CEP57L1: variants seen among roughly 807,000 people sequenced by gnomAD.
The protein encoded by CEP57L1 is centrosomal protein 57 like 1, also known as centrosomal protein CEP57L1.
A neutral mutation model predicts 61.0 loss-of-function variants in CEP57L1; 37 were observed. The ratio of observed to expected loss-of-function variants is 0.61; its 90% CI spans 0.47 to 0.80. CEP57L1 has a LOEUF of 0.80. Ranked by LOEUF, CEP57L1 falls within the 30% of genes least tolerant of loss-of-function variation. The pLI is 0.00. For missense variants in CEP57L1, 422 were observed against 524.7 expected, an observed-to-expected ratio of 0.80 and a Z score of 1.91; for synonymous variants, 137 against 162.3, an observed-to-expected ratio of 0.84 and a Z score of 1.19.
At chr6:109,099,713 C>T (rs1435696194) in intron 1 of CEP57L1, among the ~76,000 whole-genome samples, 3 of 152,046 alleles carry the variant, frequency 2.0e-5, no homozygotes, top group Non-Finnish European at 4.4e-5. Context: ...CCATGCCCGG[C>T]TAATTTTTGT....
intron 1 of CEP57L1, among the ~76,000 whole-genome samples, chr6:109,135,709 A>C (rs1264858481): frequency 1.3e-5 from 2 of 152,166 alleles, no homozygotes; most frequent in Non-Finnish European, 2.9e-5. Flanking sequence ...AACTCAAACA[A>C]ATTTACAAGA....
chr6:109,123,037 T>C (rs1213252772), intron 1 of CEP57L1, among the ~76,000 whole-genome samples: 1 of 152,154 alleles, frequency 6.6e-6, no homozygotes, highest in Non-Finnish European at 1.5e-5. Context: ...TCTGTTTCCA[T>C]GGACCTTGGT....
intron 1 of CEP57L1, among the ~76,000 whole-genome samples, chr6:109,102,127 CTGCCTGTG>C (rs1782506596): frequency 6.6e-6 from 1 of 152,204 alleles, no homozygotes; most frequent in South Asian, 2.1e-4. Flanking sequence ...CGCCTATTTG[CTGCCTGTG>C]TATCATGTTT....
chr6:109,121,557 A>G (rs993751094), intron 1 of CEP57L1, among the ~76,000 whole-genome samples: 5 of 152,186 alleles, frequency 3.3e-5, no homozygotes, highest in African/African-American at 1.2e-4. Context: ...GGAATACCAA[A>G]TGTCAGACTA....
chr6:109,110,083 T>A (rs1771414875), intron 1 of CEP57L1, among the ~76,000 whole-genome samples: 1 of 152,196 alleles, frequency 6.6e-6, no homozygotes, highest in African/African-American at 2.4e-5. Context: ...TCAAATGGTA[T>A]TTCTAGTTCT....
Position 109,150,160 on chromosome 6 carries a change from T to G in CEP57L1, c.383T>G (p.Leu128Arg), listed in dbSNP as rs373998533. 21 of 1,610,492 alleles carry G rather than the reference T, an allele frequency of 1.3e-5. 1 individual carries two copies. The African/African-American group carries it at 2.4e-4, about 18-fold the overall frequency. The change falls in exon 4 of 11, where the codon CTT (leucine) becomes CGT (arginine). Residue 128 changes from leucine (L) to arginine (R), a missense_variant. Leu to Arg is a moderately radical substitution (Grantham distance 102). Coordinates refer to ENST00000517392, the MANE Select transcript of CEP57L1 (RefSeq NM_001271852.3). ...QLSSAQSRCT[L>R]LEKQLEYTKR... ...AGCTCAGCCCAGTCTCGTTGTACTC[T>G]TCTAGAGAAGCAACTAGAATATACA... is the stretch of plus-strand genomic sequence containing the variant.
chr6:109,157,045 A>G (rs984963014), intron 7 of CEP57L1: 1 of 152,138 alleles, frequency 6.6e-6, no homozygotes, highest in Admixed American at 6.6e-5. Context: ...GGGTTAATGG[A>G]ACTTTTTTCA....
intron 1 of CEP57L1, among the ~76,000 whole-genome samples, chr6:109,097,720 C>T (rs886907835): frequency 3.9e-5 from 6 of 152,048 alleles, no homozygotes; most frequent in African/African-American, 1.4e-4. Context: ...GAGAATAAAA[C>T]AACTGGGAAG....
rs796398887 is a variant in CEP57L1, at chr6:109,167,688, A to AAAAAG, written c.*4733_*4737dup. Among the ~76,000 whole-genome samples the AAAAAG allele has an allele frequency of 6.6e-6, 1 of 152,100 alleles. No individual in the cohort carries two copies. The highest frequency in any genetic ancestry group is 6.5e-5 in the Admixed American group (1 of 15,268). On this transcript the variant is annotated 3_prime_UTR_variant, in exon 11 of 11. Coordinates refer to ENST00000517392, the MANE Select transcript of CEP57L1 (RefSeq NM_001271852.3). ...CAAGACTCTGCCTCAAAGCAAAAAA[A>AAAAAG]AAAAGAAAAGAAAAGAAAAAAGGAA...
intron 4 of CEP57L1, among the ~76,000 whole-genome samples, chr6:109,152,787 A>G (rs188643461): frequency 2.0e-4 from 31 of 152,012 alleles, no homozygotes; most frequent in Non-Finnish European, 3.7e-4. Flanking sequence ...CTTGTAAATA[A>G]CACTATTTAA....
At chr6:109,124,207 A>G (rs1562522528) in intron 1 of CEP57L1, among the ~76,000 whole-genome samples, 2 of 152,196 alleles carry the variant, frequency 1.3e-5, no homozygotes, top group African/African-American at 4.8e-5. Context: ...ATTAAAGGCA[A>G]TGTGATCTTG....
At chr6:109,130,000 A>C (rs1389926756) in intron 1 of CEP57L1, among the ~76,000 whole-genome samples, 1 of 152,124 alleles carries the variant, frequency 6.6e-6, no homozygotes, top group Non-Finnish European at 1.5e-5. Flanking sequence ...TTATATTCAG[A>C]TTATATTCTG....
chr6:109,106,813 A>T (rs377276878), intron 1 of CEP57L1, among the ~76,000 whole-genome samples: 1 of 152,106 alleles, frequency 6.6e-6, no homozygotes, highest in East Asian at 1.9e-4. Context: ...GATGGCACAC[A>T]CCTGTAATCC....
At chr6:109,154,311 G>T (rs897313383) in intron 5 of CEP57L1, among the ~76,000 whole-genome samples, 6 of 151,976 alleles carry the variant, frequency 3.9e-5, no homozygotes, top group Non-Finnish European at 8.8e-5. Context: ...ATTTTATAGG[G>T]TTTTCTCACA....
chr6:109,155,881 T>G lies in CEP57L1; in HGVS notation c.744+4T>G. On this transcript the variant is annotated splice_donor_region_variant and intron_variant, in intron 7 of 10. Coordinates refer to ENST00000517392, the MANE Select transcript of CEP57L1 (RefSeq NM_001271852.3). ...GGAAAAGAAGAAATCTTCAAAGGTGTGCATATAAAATTTTTTCCCAAACAA... is the reference window on the plus strand; with the variant it reads ...GGAAAAGAAGAAATCTTCAAAGGTGGGCATATAAAATTTTTTCCCAAACAA... 6.5e-7 allele frequency: 1 copy of G among 1,527,764 alleles called. No individual in the cohort carries two copies. The highest frequency in any genetic ancestry group is 1.2e-5 in the South Asian group (1 of 85,326). 94.6% of individuals were successfully genotyped at this position (1,527,764 alleles called of 1,614,324 possible).
At chr6:109,114,531 C>A (rs1388819726) in intron 1 of CEP57L1, among the ~76,000 whole-genome samples, 1 of 150,434 alleles carries the variant, frequency 6.6e-6, no homozygotes, top group African/African-American at 2.4e-5. Flanking sequence ...TCATTTTCAA[C>A]AACATGGATG....
rs1781588378 is a variant in CEP57L1 at position 109,095,571 on chromosome 6, G to T, written c.-8G>T. ...TGGCAGGGGCTGACTGAGAGCGTCT[G>T]CTTGGTAAGCACTGTAAGCTGGGTT... On this transcript the variant is annotated 5_prime_UTR_variant, in exon 1 of 11. Transcript: ENST00000517392. 1 of 985,768 alleles carries T rather than the reference G, an allele frequency of 1.0e-6. No homozygotes were observed. Among genetic ancestry groups the T allele is most frequent in the Admixed American group, 6.1e-5 (1 of 16,266 alleles). 61.1% of individuals were successfully genotyped at this position (985,768 alleles called of 1,614,324 possible).
chr6:109,161,173 G>A (rs1043609786), intron 10 of CEP57L1, among the ~76,000 whole-genome samples: 1 of 152,026 alleles, frequency 6.6e-6, no homozygotes, highest in Admixed American at 6.6e-5. Flanking sequence ...AAAACAAGCT[G>A]TTTTATGTTC....
chr6:109,097,592 A>G (rs1315951892), intron 1 of CEP57L1, among the ~76,000 whole-genome samples: 1 of 152,214 alleles, frequency 6.6e-6, no homozygotes, highest in African/African-American at 2.4e-5. Context: ...CATTGAAGAT[A>G]CAGCATTGAC....
Sources: allele counts gnomAD v4.1 joint callset (sites outside exome capture counted in the v4.1 genomes callset), GRCh38; gene constraint gnomAD v4.1.1; transcripts MANE v1.5; gene names NCBI Gene and HGNC (gene_info 2026-07-23, HGNC 2026-07-21).